The following EFEMP1 variants were observed in gnomAD, a reference collection of about 807,000 sequenced individuals.
The protein encoded by EFEMP1 is EGF-containing fibulin-like extracellular matrix protein 1.
A neutral mutation model predicts 65.7 loss-of-function variants in EFEMP1; 18 were observed. The observed-to-expected ratio is 0.27, with a 90% CI of 0.19 to 0.41. EFEMP1 has a LOEUF of 0.41. Ranked by LOEUF, EFEMP1 falls within the 10% of genes least tolerant of loss-of-function variation. EFEMP1 has a pLI of 1.00. For synonymous variants in EFEMP1, 237 were observed against 219.7 expected, an observed-to-expected ratio of 1.08 and a Z score of -0.70; for missense variants, 469 against 624.8, an observed-to-expected ratio of 0.75 and a Z score of 2.66.
Position 55,922,491 on chromosome 2 carries a change from G to A in EFEMP1, c.-7-44C>T, listed in dbSNP as rs1394594733. The A allele has an allele frequency of 6.4e-7, 1 of 1,570,684 alleles. No homozygotes were observed. The highest frequency in any genetic ancestry group is 1.7e-5 in the Admixed American group (1 of 59,770). On this transcript the variant is annotated intron_variant, in intron 2 of 11. Transcript: ENST00000355426. This position sits in a 1 kb window ranked among gnomAD's most constrained non-coding sequence, Gnocchi z 5.5. ...CAAACTAATGTTTAGTATCTGCTGC[G>A]GGGAAAGTAACAAAACTTTAGCAGT...
rs1468008953 is a variant in EFEMP1 at position 55,921,612 on chromosome 2, C to T, written c.81+748G>A. Among the ~76,000 whole-genome samples the T allele has an allele frequency of 1.3e-5, 2 of 152,202 alleles. No individual in the cohort carries two copies. Among genetic ancestry groups the T allele is most frequent in the African/African-American group, 4.8e-5 (2 of 41,444 alleles). ...CACCAGAAGTGAAGTCAGTACTGTC[C>T]TTCTCTGTTCTCACCACAACTATTT... On this transcript the variant is annotated intron_variant, in intron 3 of 11. Coordinates refer to ENST00000355426, the MANE Select transcript of EFEMP1 (RefSeq NM_001039348.3). This position sits in a 1 kb window ranked among gnomAD's most constrained non-coding sequence, Gnocchi z 4.1.
rs567925375 is a variant in EFEMP1, at chr2:55,871,484, G to C, written c.1001-361C>G. On this transcript the variant is annotated intron_variant, in intron 9 of 11. Transcript: ENST00000355426. The surrounding 1 kb of genome is among the most constrained non-coding windows in gnomAD (Gnocchi z 4.2). ...GAATGTGTATATGATTACTTAGAAA[G>C]TAAAATGGAATTAAGTAAGAGATAG... Among the ~76,000 whole-genome samples, 3 of 152,206 alleles carry C rather than the reference G, an allele frequency of 2.0e-5. No individual in the cohort carries two copies. In the South Asian group the frequency reaches 6.2e-4, roughly 32 times the overall value.
intron 5 of EFEMP1, among the ~76,000 whole-genome samples, chr2:55,895,427 C>T (rs1198018101): frequency 6.6e-6 from 1 of 152,234 alleles, no homozygotes; most frequent in Non-Finnish European, 1.5e-5. Context: ...GTAAGCCTCC[C>T]TCTAAATTCC....
At position 55,883,198 on chromosome 2, in the gene EFEMP1, G is replaced by A. The variant is rs1041263470; in HGVS notation, c.518-1464C>T. Among the ~76,000 whole-genome samples the A allele has an allele frequency of 2.0e-4, 31 of 152,098 alleles. No homozygotes were observed. Among genetic ancestry groups the A allele is most frequent in the Non-Finnish European group, 5.9e-5 (4 of 68,004 alleles). ...AATAATCTATAAAGCATCCACTTACGTAATTCTTTGAACTTGGTTTTAAAG... is the reference window on the plus strand; with the variant it reads ...AATAATCTATAAAGCATCCACTTACATAATTCTTTGAACTTGGTTTTAAAG... On this transcript the variant is annotated intron_variant, in intron 5 of 11. Coordinates refer to ENST00000355426, the MANE Select transcript of EFEMP1 (RefSeq NM_001039348.3). This position sits in a 1 kb window ranked among gnomAD's most constrained non-coding sequence, Gnocchi z 4.5.
In EFEMP1 at chr2:55,921,231, T is replaced by C. The variant is rs1247701781; in HGVS notation, c.81+1129A>G. Among the ~76,000 whole-genome samples the C allele has an allele frequency of 6.6e-6, 1 of 152,238 alleles. No individual in the cohort carries two copies. On this transcript the variant is annotated intron_variant, in intron 3 of 11. Coordinates refer to ENST00000355426, the MANE Select transcript of EFEMP1 (RefSeq NM_001039348.3). The surrounding 1 kb of genome is among the most constrained non-coding windows in gnomAD (Gnocchi z 4.1). The stretch of plus-strand genomic sequence containing the variant: ...GCCTTCATTTTTCTTGCTTAATTTA[T>C]CTTCAGCAGAGGAAGCAACTGCATT...
intron 5 of EFEMP1, among the ~76,000 whole-genome samples, chr2:55,910,767 T>G (rs1312887247): frequency 6.6e-6 from 1 of 152,200 alleles, no homozygotes; most frequent in Non-Finnish European, 1.5e-5. Context: ...AGAAGATGCT[T>G]ATGTGAATAT....
rs766388738 is a variant in EFEMP1, at chr2:55,922,422, G to T, written c.19C>A (p.Leu7Ile). 2 of 1,613,784 alleles carry T rather than the reference G, an allele frequency of 1.2e-6. No individual in the cohort carries two copies. Among genetic ancestry groups the T allele is most frequent in the South Asian group, 1.1e-5 (1 of 91,052 alleles). ...ACCAGCGCCAGAGTCAGCATAGTTA[G>T]GAAAAGGGCTTTCAACATTGTGAAT... MLKALF[L>I]TMLTLALVKS... Residue 7 changes from leucine (L) to isoleucine (I), a missense_variant, in exon 3 of 12, where the codon CTA becomes ATA. Around this residue, in one of 3 missense-constraint regions of EFEMP1, gnomAD observed 66 missense variants for 73.0 expected, o/e 0.90. Coordinates refer to ENST00000355426, the MANE Select transcript of EFEMP1 (RefSeq NM_001039348.3). This position sits in a 1 kb window ranked among gnomAD's most constrained non-coding sequence, Gnocchi z 5.5.
rs374256179 is a variant in EFEMP1, at chr2:55,875,052, G to A, written c.894C>T (p.Cys298=). Residue 298 remains cysteine (C), a synonymous_variant, in exon 9 of 12, where the codon TGC becomes TGT. Transcript: ENST00000355426. ...DRLNCEDIDE[C]RTSSYLCQYQ... ...ATTGACACAGGTAGCTTGAGGTTCT[G>A]CATTCATCAATGTCTGTTGAATTAG... 1.9e-6 allele frequency: 3 copies of A among 1,601,430 alleles called. No individual in the cohort carries two copies.
At position 55,886,618 on chromosome 2, in the gene EFEMP1, C is replaced by G. The variant is rs367752197; in HGVS notation, c.518-4884G>C. On this transcript the variant is annotated intron_variant, in intron 5 of 11. Coordinates refer to ENST00000355426, the MANE Select transcript of EFEMP1 (RefSeq NM_001039348.3). The surrounding 1 kb of genome is among the most constrained non-coding windows in gnomAD (Gnocchi z 4.0). ...TTCTTTACCATTGGCCTCCTTCCTC[C>G]CAACATTCTTAATGATTTAGATACC... is the stretch of plus-strand genomic sequence containing the variant. Among the ~76,000 whole-genome samples, 8 of 152,236 alleles carry G rather than the reference C, an allele frequency of 5.3e-5. No homozygotes were observed. The East Asian group carries it at 5.8e-4, about 11-fold the overall frequency.
intron 5 of EFEMP1, among the ~76,000 whole-genome samples, chr2:55,914,133 T>G (rs1244615436): frequency 6.6e-6 from 1 of 152,076 alleles, no homozygotes; most frequent in Non-Finnish European, 1.5e-5. Flanking sequence ...TCTGTTGTCT[T>G]TGAGGCAGAT....
rs1669430716 is a variant in EFEMP1 at position 55,886,620 on chromosome 2, A to G, written c.518-4886T>C. On this transcript the variant is annotated intron_variant, in intron 5 of 11. Transcript: ENST00000355426. The surrounding 1 kb of genome is among the most constrained non-coding windows in gnomAD (Gnocchi z 4.0). ...CTTTACCATTGGCCTCCTTCCTCCC[A>G]ACATTCTTAATGATTTAGATACCCA... is the stretch of plus-strand genomic sequence containing the variant. Among the ~76,000 whole-genome samples, 1 of 152,204 alleles carries G rather than the reference A, an allele frequency of 6.6e-6. No homozygotes were observed. Among genetic ancestry groups the G allele is most frequent in the South Asian group, 2.1e-4 (1 of 4,830 alleles).
chr2:55,883,417 T>C lies in EFEMP1; in HGVS notation c.518-1683A>G, dbSNP rs3791676. Among the ~76,000 whole-genome samples the C allele has an allele frequency of 0.66, 99,681 of 152,068 alleles. 34,806 individuals are homozygous for C. The highest frequency in any genetic ancestry group is 0.9 in the East Asian group (4,660 of 5,184). On this transcript the variant is annotated intron_variant, in intron 5 of 11. Coordinates refer to ENST00000355426, the MANE Select transcript of EFEMP1 (RefSeq NM_001039348.3). This position sits in a 1 kb window ranked among gnomAD's most constrained non-coding sequence, Gnocchi z 4.5. Reference sequence around the variant, plus strand: ...TCAGATGCACTTGATGAAAACCTTTTTACTGGGGTTTCTTCAGAGCTTTAT... The same window carrying C: ...TCAGATGCACTTGATGAAAACCTTTCTACTGGGGTTTCTTCAGAGCTTTAT...
In EFEMP1 at chr2:55,885,376, C is replaced by G. The variant is rs561103969; in HGVS notation, c.518-3642G>C. Among the ~76,000 whole-genome samples the G allele has an allele frequency of 6.6e-6, 1 of 152,272 alleles. No homozygotes were observed. Among genetic ancestry groups the G allele is most frequent in the African/African-American group, 2.4e-5 (1 of 41,554 alleles). On this transcript the variant is annotated intron_variant, in intron 5 of 11. Coordinates refer to ENST00000355426, the MANE Select transcript of EFEMP1 (RefSeq NM_001039348.3). This position sits in a 1 kb window ranked among gnomAD's most constrained non-coding sequence, Gnocchi z 4.3. Reference sequence around the variant, plus strand: ...CCTGGTTGAAGAGGATCATGAAATGCTAGATCTGTCGTGAACAAAATTCAA... The same window carrying G: ...CCTGGTTGAAGAGGATCATGAAATGGTAGATCTGTCGTGAACAAAATTCAA...
chr2:55,881,852 T>C, intron 5 of EFEMP1, 118 bp from the exon 6 acceptor site: 1 of 1,309,126 alleles, frequency 7.6e-7, no homozygotes, highest in Non-Finnish European at 1.1e-6. Flanking sequence ...ATAATGTTCT[T>C]GCATTGGAAA....
chr2:55,900,321 C>A (rs150620064), intron 5 of EFEMP1, among the ~76,000 whole-genome samples: 3 of 151,268 alleles, frequency 2.0e-5, no homozygotes, highest in Non-Finnish European at 4.4e-5. Context: ...CGATCCCCCC[C>A]ACCAACTCTC....
intron 3 of EFEMP1, among the ~76,000 whole-genome samples, chr2:55,918,650 C>T (rs1670800960): frequency 6.7e-6 from 1 of 150,356 alleles, no homozygotes; most frequent in African/African-American, 2.4e-5. Context: ...TCTTTCCTCG[C>T]CCTCTCCCCC....
At chr2:55,878,918 G>C (rs916857133) in intron 6 of EFEMP1, among the ~76,000 whole-genome samples, 1 of 152,188 alleles carries the variant, frequency 6.6e-6, no homozygotes, top group African/African-American at 2.4e-5. Context: ...TAAGCTGCAA[G>C]ATATATTTGA....
intron 5 of EFEMP1, among the ~76,000 whole-genome samples, chr2:55,908,586 A>G (rs529115584): frequency 6.6e-6 from 1 of 152,188 alleles, no homozygotes; most frequent in Admixed American, 6.6e-5. Context: ...TAGATTTTAA[A>G]TATTCACACT....
intron 5 of EFEMP1, among the ~76,000 whole-genome samples, chr2:55,888,587 T>C (rs1558470434): frequency 6.6e-6 from 1 of 152,146 alleles, no homozygotes; most frequent in Non-Finnish European, 1.5e-5. Context: ...TTCACCCACC[T>C]TGGCCTCCCA....
Sources: allele counts gnomAD v4.1 joint callset (sites outside exome capture counted in the v4.1 genomes callset), GRCh38; gene constraint gnomAD v4.1.1; regional missense constraint gnomAD v4.1.1; non-coding constraint Gnocchi (gnomAD v3.1); transcripts MANE v1.5; gene names NCBI Gene and HGNC (gene_info 2026-07-23, HGNC 2026-07-21).